The following CYFIP1 variants were observed in gnomAD, a reference collection of about 807,000 sequenced individuals.
CYFIP1 encodes cytoplasmic FMR1-interacting protein 1.
CYFIP1 carries 58 observed loss-of-function variants against 163.5 expected under a neutral mutation model. That is an observed-to-expected ratio of 0.35 (90% confidence interval 0.29 to 0.44). The LOEUF (loss-of-function observed/expected upper bound fraction) is 0.44. Among genes scored for constraint, CYFIP1 ranks in the 20% least tolerant of loss-of-function variants. The pLI is 1.00. For synonymous variants in CYFIP1, 663 were observed against 660.7 expected, an observed-to-expected ratio of 1.00 and a Z score of -0.05; for missense variants, 1,338 against 1,653.8, an observed-to-expected ratio of 0.81 and a Z score of 3.31.
chr15:22,941,594 G>A (rs1234877826), intron 6 of CYFIP1, among the ~76,000 whole-genome samples: 7 of 152,098 alleles, frequency 4.6e-5, no homozygotes, highest in African/African-American at 1.4e-4. Context: ...GTCTGGGAAG[G>A]TTAACCAACA....
chr15:22,966,742 C>G (rs1233013891), intron 1 of CYFIP1, among the ~76,000 whole-genome samples: 1 of 152,020 alleles, frequency 6.6e-6, no homozygotes, highest in Non-Finnish European at 1.5e-5. Flanking sequence ...GACAGCCCAC[C>G]GAGACCCTCG....
At chr15:22,934,160 A>AT (rs1041295938) in intron 9 of CYFIP1, among the ~76,000 whole-genome samples, 2 of 148,514 alleles carry the variant, frequency 1.3e-5, no homozygotes, top group Non-Finnish European at 3.0e-5. Context: ...AAAAAAAAAA[A>AT]ATCACTGCAT....
chr15:22,872,580 C>T, intron 30 of CYFIP1: 2 of 460,036 alleles, frequency 4.3e-6, no homozygotes, highest in Non-Finnish European at 7.8e-6. Context: ...CAATGCAGAT[C>T]CTGTAAGACT....
At chr15:22,892,847 A>G in intron 23 of CYFIP1, 43 bp downstream of exon 23, 1 of 1,427,064 alleles carries the variant, frequency 7.0e-7, no homozygotes, top group Non-Finnish European at 9.9e-7. Flanking sequence ...AACATGCTTC[A>G]TTATGAGCTT....
At chr15:22,929,235 A>G (rs1441060719) in intron 11 of CYFIP1, among the ~76,000 whole-genome samples, 1 of 151,948 alleles carries the variant, frequency 6.6e-6, no homozygotes, top group Non-Finnish European at 1.5e-5. Flanking sequence ...AAAAAAAAAA[A>G]AAAAAGTACC....
At chr15:22,918,390 C>T (rs543995778) in intron 14 of CYFIP1, among the ~76,000 whole-genome samples, 14 of 152,162 alleles carry the variant, frequency 9.2e-5, no homozygotes, top group Non-Finnish European at 2.1e-4. Flanking sequence ...AGGGCTCCAC[C>T]GTGCAGAGAC....
intron 3 of CYFIP1, chr15:22,946,780 C>T (rs1035059953): frequency 7.3e-6 from 5 of 681,722 alleles, no homozygotes; most frequent in African/African-American, 1.8e-5. Flanking sequence ...GAAACGCTGA[C>T]AAAGGTTTTC....
chr15:22,959,963 C>T (rs1267482705), intron 1 of CYFIP1, among the ~76,000 whole-genome samples: 5 of 152,230 alleles, frequency 3.3e-5, no homozygotes, highest in Non-Finnish European at 4.4e-5. Context: ...CGAATCCCCA[C>T]GTGGCTGGCC....
In CYFIP1 at chr15:22,923,417, T is replaced by C. The variant is rs114618730; in HGVS notation, c.1359+2565A>G. 6.9e-3 allele frequency among the ~76,000 whole-genome samples: 1,053 copies of C among 152,104 alleles called. 18 individuals carry two copies. The highest frequency in any genetic ancestry group is 0.024 in the African/African-American group (985 of 41,500). The stretch of plus-strand genomic sequence containing the variant: ...AAATCAAAAGCGCAATGAAATGAGA[T>C]ACCACCTCACACCCACTAGGATAGC... On this transcript the variant is annotated intron_variant, in intron 13 of 30. Transcript: ENST00000617928.
intron 19 of CYFIP1, 38 bp downstream of exon 19, chr15:22,910,699 G>GA: frequency 1.2e-6 from 2 of 1,607,212 alleles, no homozygotes; most frequent in Non-Finnish European, 1.7e-6. Context: ...ATCAAATTAT[G>GA]AAACGTTTTG....
chr15:22,902,587 T>C (rs974096553), intron 22 of CYFIP1, among the ~76,000 whole-genome samples: 2 of 152,206 alleles, frequency 1.3e-5, no homozygotes, highest in African/African-American at 2.4e-5. Flanking sequence ...TTTAAAAATG[T>C]TGAGGAAAAT....
intron 1 of CYFIP1, among the ~76,000 whole-genome samples, chr15:22,957,642 CA>C (rs1316996419): frequency 6.6e-6 from 1 of 152,082 alleles, no homozygotes; most frequent in Non-Finnish European, 1.5e-5. Flanking sequence ...TCTCAAAAAA[CA>C]AAAAATGTTA....
At chr15:22,958,762 C>A (rs552582868) in intron 1 of CYFIP1, among the ~76,000 whole-genome samples, 1 of 152,350 alleles carries the variant, frequency 6.6e-6, no homozygotes, top group Non-Finnish European at 1.5e-5. Context: ...TTCACTGGCT[C>A]TCTCTGCCTA....
At chr15:22,964,062 G>C (rs1264497094) in intron 1 of CYFIP1, among the ~76,000 whole-genome samples, 1 of 151,330 alleles carries the variant, frequency 6.6e-6, no homozygotes, top group African/African-American at 2.4e-5. Context: ...AATAAAAATT[G>C]TATATATTTA....
intron 27 of CYFIP1, 84 bp downstream of exon 27, chr15:22,875,115 G>T: frequency 7.7e-7 from 1 of 1,299,822 alleles, no homozygotes; most frequent in Non-Finnish European, 1.1e-6. Flanking sequence ...ATCTGCACTG[G>T]TCCTTAGCTC....
intron 21 of CYFIP1, among the ~76,000 whole-genome samples, chr15:22,907,927 C>T (rs2060639399): frequency 6.6e-6 from 1 of 152,210 alleles, no homozygotes; most frequent in African/African-American, 2.4e-5. Context: ...TCTTCCGTGA[C>T]ACCACTCTCT....
chr15:22,891,347 C>T (rs1157421322), intron 23 of CYFIP1, among the ~76,000 whole-genome samples: 1 of 152,152 alleles, frequency 6.6e-6, no homozygotes, highest in East Asian at 1.9e-4. Flanking sequence ...ATCACTTGAA[C>T]CCAGGAGGCG....
rs2059302953 is a variant in CYFIP1, at chr15:22,868,454, A to G, written c.*1574T>C. On this transcript the variant is annotated 3_prime_UTR_variant, in exon 31 of 31. Coordinates refer to ENST00000617928, the MANE Select transcript of CYFIP1 (RefSeq NM_014608.6). ...TTGGTATATAATTAAGCCTTATAAA[A>G]CTTGGTAATTGATTAAGTTTTACCA... 6.6e-6 allele frequency: 1 copy of G among 151,720 alleles called. No individual in the cohort carries two copies. 9.4% of individuals were successfully genotyped at this position (151,720 alleles called of 1,614,324 possible). A position where few individuals can be genotyped will look rare whatever the true frequency, so the allele number is the denominator to read the frequency against.
At chr15:22,880,539 A>G (rs867123042) in intron 25 of CYFIP1, among the ~76,000 whole-genome samples, 2 of 152,216 alleles carry the variant, frequency 1.3e-5, no homozygotes, top group Non-Finnish European at 2.9e-5. Flanking sequence ...CATCCCGGAC[A>G]GCGGAATAAG....
Sources: allele counts gnomAD v4.1 joint callset (sites outside exome capture counted in the v4.1 genomes callset), GRCh38; gene constraint gnomAD v4.1.1; transcripts MANE v1.5; gene names NCBI Gene and HGNC (gene_info 2026-07-23, HGNC 2026-07-21).